Variants in STXBP6 observed in about 807,000 individuals in gnomAD.
STXBP6 encodes syntaxin binding protein 6.
A neutral mutation model predicts 26.9 loss-of-function variants in STXBP6; 21 were observed. That is an observed-to-expected ratio of 0.78 (90% CI 0.55 to 1.12). The LOEUF is 1.12. Ranked by LOEUF, STXBP6 falls within the 50% of genes most tolerant of loss-of-function variation. The pLI is 0.00. For synonymous variants in STXBP6, 97 were observed against 92.6 expected, an observed-to-expected ratio of 1.05 and a Z score of -0.27; for missense variants, 232 against 257.9, an observed-to-expected ratio of 0.90 and a Z score of 0.69.
At chr14:24,962,453 C>T (rs896830463) in intron 2 of STXBP6, among the ~76,000 whole-genome samples, 2 of 151,888 alleles carry the variant, frequency 1.3e-5, no homozygotes, top group Non-Finnish European at 2.9e-5. Context: ...CCTCTGCCTC[C>T]CAAGTAGCTG....
At chr14:24,942,200 T>C (rs966493252) in intron 2 of STXBP6, among the ~76,000 whole-genome samples, 2 of 152,190 alleles carry the variant, frequency 1.3e-5, no homozygotes, top group Non-Finnish European at 2.9e-5. Flanking sequence ...ATCAACTTTT[T>C]CTAACAGGGC....
rs1339652815 is a variant in STXBP6 at position 25,049,963 on chromosome 14, G to GCGGGGCT, written c.-125_-119dup. Reference sequence around the variant, plus strand: ...GCTCCTCCCCGGGGGGCTGCCCCGCGCGGGGCTCCGGGCTCCGGACAAGGC... The same window carrying GCGGGGCT: ...GCTCCTCCCCGGGGGGCTGCCCCGCGCGGGGCTCGGGGCTCCGGGCTCCGGACAAGGC... On this transcript the variant is annotated 5_prime_UTR_variant, in exon 1 of 6. Coordinates refer to ENST00000323944, the MANE Select transcript of STXBP6 (RefSeq NM_001394410.1). The surrounding 1 kb of genome is among the most constrained non-coding windows in gnomAD (Gnocchi z 5.6). 1.2e-6 allele frequency: 1 copy of GCGGGGCT among 813,630 alleles called. No homozygotes were observed. Among genetic ancestry groups the GCGGGGCT allele is most frequent in the East Asian group, 1.4e-4 (1 of 7,278 alleles). 50.4% of individuals were successfully genotyped at this position (813,630 alleles called of 1,614,324 possible).
chr14:24,993,662 G>A (rs372270494), intron 1 of STXBP6, among the ~76,000 whole-genome samples: 1 of 152,152 alleles, frequency 6.6e-6, no homozygotes, highest in East Asian at 1.9e-4. Context: ...GGGACTAGAA[G>A]TCTTCAAACC....
intron 1 of STXBP6, among the ~76,000 whole-genome samples, chr14:25,018,396 C>T (rs979995114): frequency 2.0e-5 from 3 of 152,126 alleles, no homozygotes; most frequent in African/African-American, 7.2e-5. Context: ...TTACAAAGTA[C>T]CAACCCAGAA....
At position 25,049,383 on chromosome 14, in the gene STXBP6, T is replaced by C; in HGVS notation, c.-33+495A>G. The C allele has an allele frequency of 1.0e-6, 1 of 985,368 alleles. No homozygotes were observed. The highest frequency in any genetic ancestry group is 1.2e-6 in the Non-Finnish European group (1 of 829,928). The allele number at this position is 985,368 out of a possible 1,614,324, so 61.0% of individuals were successfully genotyped here. The stretch of plus-strand genomic sequence containing the variant: ...CCGCCAGAAAAGCTCGCCTCAGTTT[T>C]GGCAGTAATGATTTTCCTAGAAGAT... On this transcript the variant is annotated intron_variant, in intron 1 of 5. Transcript: ENST00000323944. This position sits in a 1 kb window ranked among gnomAD's most constrained non-coding sequence, Gnocchi z 5.6.
intron 5 of STXBP6, among the ~76,000 whole-genome samples, chr14:24,813,730 G>A (rs1420841345): frequency 1.3e-5 from 2 of 152,182 alleles, no homozygotes; most frequent in African/African-American, 4.8e-5. Flanking sequence ...TAGTAAGGCC[G>A]ATCCTACTGA....
At chr14:25,017,993 GTCT>G (rs765884974) in intron 1 of STXBP6, among the ~76,000 whole-genome samples, 43 of 152,188 alleles carry the variant, frequency 2.8e-4, no homozygotes, top group South Asian at 8.3e-4. Context: ...TCACCCATAG[GTCT>G]TCTCCTCAAG....
At chr14:24,934,210 C>T (rs1399293104) in intron 2 of STXBP6, among the ~76,000 whole-genome samples, 2 of 152,084 alleles carry the variant, frequency 1.3e-5, no homozygotes, top group Admixed American at 1.3e-4. Context: ...ATAGAGTATA[C>T]AGGTTAATAT....
intron 1 of STXBP6, among the ~76,000 whole-genome samples, chr14:24,997,105 T>C (rs1450117914): frequency 1.3e-5 from 2 of 152,124 alleles, no homozygotes; most frequent in Non-Finnish European, 1.5e-5. Context: ...TTTATGGAGA[T>C]TCACACAGCA....
intron 2 of STXBP6, among the ~76,000 whole-genome samples, chr14:24,906,883 T>TA (rs2071402539): frequency 6.6e-6 from 1 of 152,038 alleles, no homozygotes; most frequent in Admixed American, 6.6e-5. Flanking sequence ...ACAATAAAGA[T>TA]ACAGATTTGG....
chr14:25,028,887 G>T (rs2075398715), intron 1 of STXBP6, among the ~76,000 whole-genome samples: 1 of 152,184 alleles, frequency 6.6e-6, no homozygotes, highest in Non-Finnish European at 1.5e-5. Flanking sequence ...AAGGGTTCAA[G>T]ACTTCAGTAG....
rs1264782773 is a variant in STXBP6, at chr14:25,049,794, C to T, written c.-33+84G>A. On this transcript the variant is annotated intron_variant, in intron 1 of 5. Transcript: ENST00000323944. The surrounding 1 kb of genome is among the most constrained non-coding windows in gnomAD (Gnocchi z 5.6). ...CCCGCCTCGGACGGAGCGCCAGGCGCCCCAACAGCCGTGGCGGCTGCAACC... is the reference window on the plus strand; with the variant it reads ...CCCGCCTCGGACGGAGCGCCAGGCGTCCCAACAGCCGTGGCGGCTGCAACC... 4.1e-6 allele frequency: 4 copies of T among 985,658 alleles called. No individual in the cohort carries two copies. Among genetic ancestry groups the T allele is most frequent in the Non-Finnish European group, 4.8e-6 (4 of 830,252 alleles). 61.1% of individuals were successfully genotyped at this position (985,658 alleles called of 1,614,324 possible). A position where few individuals can be genotyped will look rare whatever the true frequency, so the allele number is the denominator to read the frequency against.
chr14:24,946,382 T>A (rs1048316248), intron 2 of STXBP6, among the ~76,000 whole-genome samples: 1 of 152,022 alleles, frequency 6.6e-6, no homozygotes, highest in African/African-American at 2.4e-5. Flanking sequence ...AATTTAAGAA[T>A]TAAGGTACAG....
intron 2 of STXBP6, among the ~76,000 whole-genome samples, chr14:24,881,851 G>T (rs543693185): frequency 6.6e-6 from 1 of 152,222 alleles, no homozygotes; most frequent in Non-Finnish European, 1.5e-5. Flanking sequence ...TGGCTGGAGC[G>T]AAGATGTGCA....
chr14:24,891,963 C>G (rs1238090523), intron 2 of STXBP6, among the ~76,000 whole-genome samples: 1 of 152,218 alleles, frequency 6.6e-6, no homozygotes, highest in Non-Finnish European at 1.5e-5. Context: ...GCCACATACC[C>G]TGGAAAGCCT....
At chr14:24,839,061 C>T (rs932470246) in intron 4 of STXBP6, among the ~76,000 whole-genome samples, 1 of 152,108 alleles carries the variant, frequency 6.6e-6, no homozygotes, top group Non-Finnish European at 1.5e-5. Context: ...ACAAAATCTC[C>T]CTTCTCAACT....
At chr14:25,032,994 C>A (rs921475721) in intron 1 of STXBP6, among the ~76,000 whole-genome samples, 1 of 152,170 alleles carries the variant, frequency 6.6e-6, no homozygotes, top group Non-Finnish European at 1.5e-5. Flanking sequence ...ACTGCTGTTT[C>A]CCACCAAGCA....
intron 4 of STXBP6, chr14:24,819,451 T>C (rs1441783452): frequency 1.0e-5 from 6 of 586,452 alleles, no homozygotes; most frequent in Non-Finnish European, 1.8e-5. Flanking sequence ...ATGCCAGTCA[T>C]TTCCATTCTG....
intron 1 of STXBP6, among the ~76,000 whole-genome samples, chr14:24,999,584 T>C (rs1319738347): frequency 2.0e-5 from 3 of 152,108 alleles, no homozygotes; most frequent in African/African-American, 7.2e-5. Flanking sequence ...ATGAATACAA[T>C]GTTACGGGAA....
Sources: gnomAD v4.1 joint callset for allele counts (sites outside exome capture counted in the v4.1 genomes callset) on GRCh38, gnomAD v4.1.1 for gene constraint, Gnocchi (gnomAD v3.1) non-coding constraint, MANE v1.5 for transcripts, NCBI Gene and HGNC (gene_info 2026-07-23, HGNC 2026-07-21) for gene names.